The following NAV2 variants were observed in gnomAD, a reference collection of about 807,000 sequenced individuals.
The protein encoded by NAV2 is neuron navigator 2, also known as helicase, APC down-regulated 1.
NAV2 carries 54 observed loss-of-function variants against 223.2 expected under a neutral mutation model. The ratio of observed to expected loss-of-function variants is 0.24; its 90% CI spans 0.19 to 0.30. NAV2 has a LOEUF of 0.30. Among genes scored for constraint, NAV2 ranks in the 10% least tolerant of loss-of-function variants. The pLI, the probability that NAV2 is intolerant of heterozygous loss-of-function variation, is 1.00. For missense variants in NAV2, 2,806 were observed against 3,147.5 expected (o/e 0.89, Z 2.60); for synonymous variants, 1,279 against 1,239.3 (o/e 1.03, Z -0.67).
At chr11:19,988,206 C>T (rs1295026409) in intron 11 of NAV2, among the ~76,000 whole-genome samples, 1 of 152,204 alleles carries the variant, frequency 6.6e-6, no homozygotes, top group African/African-American at 2.4e-5. Context: ...TGTTTTAGCA[C>T]ACAACGGGCT....
At chr11:20,094,223 C>CTT (rs61099684) in intron 29 of NAV2, among the ~76,000 whole-genome samples, 945 of 88,476 alleles carry the variant, frequency 0.011, 17 homozygotes, top group African/African-American at 0.029. Flanking sequence ...TTTTCTTTAT[C>CTT]TTTTTTTTTT....
chr11:19,976,575 T>G (rs1206587027), intron 10 of NAV2, among the ~76,000 whole-genome samples: 1 of 152,212 alleles, frequency 6.6e-6, no homozygotes, highest in Non-Finnish European at 1.5e-5. Flanking sequence ...TTGATTAGCT[T>G]AGCAACATCT....
At chr11:19,585,338 G>T (rs540524964) in intron 1 of NAV2, among the ~76,000 whole-genome samples, 9 of 152,160 alleles carry the variant, frequency 5.9e-5, no homozygotes, top group East Asian at 1.9e-4. Context: ...TATCCAATTT[G>T]CCAGTCTCTG....
At chr11:19,912,827 G>C (rs2043431906) in intron 6 of NAV2, among the ~76,000 whole-genome samples, 1 of 152,188 alleles carries the variant, frequency 6.6e-6, no homozygotes, top group Non-Finnish European at 1.5e-5. Context: ...CTGCAGTTCA[G>C]AGAGAAACTA....
chr11:19,947,558 T>C (rs2047032066), intron 9 of NAV2, among the ~76,000 whole-genome samples: 1 of 152,216 alleles, frequency 6.6e-6, no homozygotes, highest in Non-Finnish European at 1.5e-5. Context: ...ATGGTAATTA[T>C]GACAGGAGGG....
At chr11:19,489,262 C>T (rs1446369158) in intron 1 of NAV2, among the ~76,000 whole-genome samples, 1 of 152,132 alleles carries the variant, frequency 6.6e-6, no homozygotes, top group Non-Finnish European at 1.5e-5. Context: ...TAATTCAAAC[C>T]CTGAGACCCA....
intron 1 of NAV2, among the ~76,000 whole-genome samples, chr11:19,732,889 A>G (rs2051934353): frequency 2.6e-5 from 4 of 152,188 alleles, no homozygotes; most frequent in Admixed American, 2.6e-4. Context: ...CCTTTGCTGG[A>G]TTTGAAGTCT....
intron 1 of NAV2, among the ~76,000 whole-genome samples, chr11:19,420,242 T>C (rs913836029): frequency 6.6e-6 from 1 of 152,178 alleles, no homozygotes; most frequent in Non-Finnish European, 1.5e-5. Context: ...GGGTGACTTA[T>C]ATGCACACTA....
intron 1 of NAV2, among the ~76,000 whole-genome samples, chr11:19,769,719 A>G (rs1235031439): frequency 6.6e-6 from 1 of 152,096 alleles, no homozygotes; most frequent in Non-Finnish European, 1.5e-5. Context: ...TTTTTGTTCT[A>G]AGGGAAAGGT....
upstream of NAV2, chr11:19,350,578 C>T: frequency 4.1e-6 from 1 of 241,972 alleles, no homozygotes; most frequent in Non-Finnish European, 8.2e-6. Flanking sequence ...TATAAATTAT[C>T]TGTGCCAAGG....
At chr11:19,463,810 G>A (rs1294953152) in intron 1 of NAV2, among the ~76,000 whole-genome samples, 1 of 152,136 alleles carries the variant, frequency 6.6e-6, no homozygotes, top group Non-Finnish European at 1.5e-5. Flanking sequence ...TGGAAGGACA[G>A]AGTGTGGGGG....
At chr11:19,977,785 G>A (rs7122443) in intron 10 of NAV2, among the ~76,000 whole-genome samples, 6,948 of 148,846 alleles carry the variant, frequency 0.047, 549 homozygotes, top group African/African-American at 0.16. Flanking sequence ...TTTTCAGAGA[G>A]GTCAACTTTT....
chr11:20,085,046 C>T (rs576068481), intron 26 of NAV2, among the ~76,000 whole-genome samples: 16 of 141,620 alleles, frequency 1.1e-4, no homozygotes, highest in African/African-American at 4.2e-4. Context: ...TTTTTTTAAT[C>T]GGTCAGGCAT....
At chr11:19,680,592 C>G (rs542853735) in intron 1 of NAV2, among the ~76,000 whole-genome samples, 50 of 152,178 alleles carry the variant, frequency 3.3e-4, no homozygotes, top group African/African-American at 1.2e-3. Flanking sequence ...GCCAGACAGA[C>G]CTGCATTTGA....
chr11:20,079,238 A>G (rs1178493354), intron 24 of NAV2, among the ~76,000 whole-genome samples: 1 of 152,034 alleles, frequency 6.6e-6, no homozygotes, highest in African/African-American at 2.4e-5. Context: ...ACAGGGTTTC[A>G]CCATGTTGGC....
chr11:19,412,469 G>A (rs1005327324), intron 1 of NAV2, among the ~76,000 whole-genome samples: 3 of 152,186 alleles, frequency 2.0e-5, no homozygotes, highest in Non-Finnish European at 2.9e-5. Flanking sequence ...CAGAGCACCT[G>A]GGGGAAGGGG....
At chr11:20,070,828 T>C (rs568685174) in intron 22 of NAV2, among the ~76,000 whole-genome samples, 2 of 152,164 alleles carry the variant, frequency 1.3e-5, no homozygotes, top group South Asian at 2.1e-4. Context: ...GTTGTGCTAA[T>C]GACACAAAGG....
At chr11:19,848,308 AG>A (rs1190883692) in intron 3 of NAV2, among the ~76,000 whole-genome samples, 1 of 152,218 alleles carries the variant, frequency 6.6e-6, no homozygotes, top group African/African-American at 2.4e-5. Context: ...TGCTATAAGT[AG>A]GGGTAGGTAG....
intron 24 of NAV2, among the ~76,000 whole-genome samples, chr11:20,079,330 T>G (rs2059949703): frequency 6.6e-6 from 1 of 152,164 alleles, no homozygotes; most frequent in Admixed American, 6.5e-5. Flanking sequence ...CATGATCCAC[T>G]ACACCCGGCC....
Sources: allele counts gnomAD v4.1 joint callset (sites outside exome capture counted in the v4.1 genomes callset), GRCh38; gene constraint gnomAD v4.1.1; transcripts MANE v1.5; gene names NCBI Gene and HGNC (gene_info 2026-07-23, HGNC 2026-07-21).